DCTN4: variants seen among roughly 807,000 people sequenced by gnomAD.
The protein encoded by DCTN4 is dynactin 4 (p62).
DCTN4 carries 23 observed loss-of-function variants against 62.7 expected under a neutral mutation model. That is an observed-to-expected ratio of 0.37 (90% confidence interval 0.26 to 0.52). The LOEUF (loss-of-function observed/expected upper bound fraction) is 0.52, where lower values mean the gene tolerates loss of function less well. Among genes scored for constraint, DCTN4 ranks in the 20% least tolerant of loss-of-function variants. The pLI, the probability that DCTN4 is intolerant of heterozygous loss-of-function variation, is 0.92. For missense variants in DCTN4, 514 were observed against 580.4 expected, an observed-to-expected ratio of 0.89 and a Z score of 1.18; for synonymous variants, 199 against 202.1, an observed-to-expected ratio of 0.98 and a Z score of 0.13.
At chr5:150,734,517 CTT>C (rs777350628) in intron 4 of DCTN4, 1 of 152,230 alleles carries the variant, frequency 6.6e-6, no homozygotes, top group African/African-American at 2.4e-5. Flanking sequence ...TCATTTCTGA[CTT>C]TAATCTCACA....
At chr5:150,714,881 T>G (rs1759699353) in intron 12 of DCTN4, among the ~76,000 whole-genome samples, 1 of 152,194 alleles carries the variant, frequency 6.6e-6, no homozygotes, top group African/African-American at 2.4e-5. Context: ...ACTATTTCCC[T>G]TTGTTCCCTC....
rs372402884 is a variant in DCTN4 at position 150,738,383 on chromosome 5, T to C, written c.429+3731A>G. On this transcript the variant is annotated intron_variant, in intron 4 of 12. Transcript: ENST00000447998. ...AATCCTTAACGAAATACTAGTTAAC[T>C]GGATCCAACAGCATATCATAAAGAT... Among the ~76,000 whole-genome samples the C allele has an allele frequency of 9.8e-5, 15 of 152,294 alleles. No homozygotes were observed. In the East Asian group the frequency reaches 2.1e-3, roughly 22 times the overall value.
At chr5:150,742,085 T>C (rs776388078) in intron 4 of DCTN4, 29 bp downstream of exon 4, 2 of 1,610,130 alleles carry the variant, frequency 1.2e-6, no homozygotes, top group East Asian at 2.2e-5. Flanking sequence ...TCCGATTTCA[T>C]CCTCTCTCTC....
At chr5:150,734,812 G>C (rs549348984) in intron 4 of DCTN4, among the ~76,000 whole-genome samples, 14 of 152,338 alleles carry the variant, frequency 9.2e-5, no homozygotes, top group Admixed American at 6.5e-4. Context: ...CATGGTGGGA[G>C]TGAGACTGGC....
At chr5:150,731,853 C>T (rs760676929) in intron 5 of DCTN4, 35 of 1,547,802 alleles carry the variant, frequency 2.3e-5, no homozygotes, top group Non-Finnish European at 3.0e-5. Context: ...CTAACTTCTT[C>T]AGGGTCAGCA....
At chr5:150,734,120 G>C (rs764773127) in intron 4 of DCTN4, 3 of 152,158 alleles carry the variant, frequency 2.0e-5, no homozygotes, top group Non-Finnish European at 2.9e-5. Context: ...ATGGCAGATA[G>C]GAGGCAGGAC....
In DCTN4 at chr5:150,709,309, A is replaced by T. The variant is rs1759479131; in HGVS notation, c.*1840T>A. On this transcript the variant is annotated 3_prime_UTR_variant, in exon 13 of 13. Coordinates refer to ENST00000447998, the MANE Select transcript of DCTN4 (RefSeq NM_016221.4). ...TCAACATTATTACTTTGGGGAATAA[A>T]TACCAGCTACCTGCCATAAACGCAT... 1 of 152,396 alleles carries T rather than the reference A, an allele frequency of 6.6e-6. No homozygotes were observed. The highest frequency in any genetic ancestry group is 1.5e-5 in the Non-Finnish European group (1 of 68,040). The allele number at this position is 152,396 out of a possible 1,614,324, so 9.4% of individuals were successfully genotyped here.
At chr5:150,713,704 A>G (rs1309439510) in intron 12 of DCTN4, among the ~76,000 whole-genome samples, 1 of 151,628 alleles carries the variant, frequency 6.6e-6, no homozygotes, top group Non-Finnish European at 1.5e-5. Flanking sequence ...TCAGCCTCCC[A>G]AAGTGCTGGG....
intron 8 of DCTN4, among the ~76,000 whole-genome samples, chr5:150,726,280 C>A (rs1760142350): frequency 6.6e-6 from 1 of 152,148 alleles, no homozygotes; most frequent in South Asian, 2.1e-4. Flanking sequence ...TTTCAACACA[C>A]TGGAACTCTC....
At chr5:150,722,449 C>T (rs1759988097) in intron 9 of DCTN4, among the ~76,000 whole-genome samples, 1 of 152,202 alleles carries the variant, frequency 6.6e-6, no homozygotes, top group South Asian at 2.1e-4. Context: ...CTCTTCTACT[C>T]ACAAGTCCCA....
At chr5:150,714,047 G>A (rs1416595483) in intron 12 of DCTN4, among the ~76,000 whole-genome samples, 1 of 152,154 alleles carries the variant, frequency 6.6e-6, no homozygotes, top group Non-Finnish European at 1.5e-5. Flanking sequence ...AACTCGGGAG[G>A]TGGAGGTTGC....
chr5:150,757,321 T>C (rs1458083205), intron 1 of DCTN4, among the ~76,000 whole-genome samples: 1 of 152,128 alleles, frequency 6.6e-6, no homozygotes, highest in Non-Finnish European at 1.5e-5. Context: ...AAAGGCAAAA[T>C]ACAAGTCATT....
At chr5:150,716,125 C>T (rs769416822) in intron 11 of DCTN4, among the ~76,000 whole-genome samples, 21 of 152,222 alleles carry the variant, frequency 1.4e-4, no homozygotes, top group Non-Finnish European at 1.8e-4. Flanking sequence ...AAGCTGGTTT[C>T]GAACTCCTGC....
chr5:150,744,118 A>G (rs1004575564), intron 3 of DCTN4, among the ~76,000 whole-genome samples: 8 of 152,262 alleles, frequency 5.3e-5, no homozygotes, highest in Non-Finnish European at 1.0e-4. Flanking sequence ...GCTGAAAGCC[A>G]AGGCTCGAGA....
intron 8 of DCTN4, among the ~76,000 whole-genome samples, chr5:150,725,991 C>T (rs1179175921): frequency 6.6e-6 from 1 of 152,064 alleles, no homozygotes; most frequent in African/African-American, 2.4e-5. Context: ...CAACCTCCGC[C>T]TCCTGGGTAC....
At chr5:150,722,579 A>T (rs1005900527) in intron 9 of DCTN4, among the ~76,000 whole-genome samples, 1 of 152,036 alleles carries the variant, frequency 6.6e-6, no homozygotes, top group Admixed American at 6.6e-5. Flanking sequence ...TTATTTTTAA[A>T]TTTTTTTTGA....
chr5:150,731,528 T>C, intron 5 of DCTN4, 39 bp from the exon 6 acceptor site: 1 of 1,503,716 alleles, frequency 6.7e-7, no homozygotes, highest in Non-Finnish European at 9.2e-7. Flanking sequence ...AAAGTCCACT[T>C]TTACACACCC....
intron 4 of DCTN4, among the ~76,000 whole-genome samples, chr5:150,735,349 C>T (rs1760537973): frequency 6.6e-6 from 1 of 152,234 alleles, no homozygotes; most frequent in African/African-American, 2.4e-5. Context: ...ACTGCTAGCA[C>T]AACCAGCATT....
chr5:150,733,026 AC>A (rs1760442723), intron 5 of DCTN4, among the ~76,000 whole-genome samples: 1 of 152,176 alleles, frequency 6.6e-6, no homozygotes, highest in Non-Finnish European at 1.5e-5. Flanking sequence ...ACTGAAATCT[AC>A]CATTTGCCCA....
Sources: allele counts gnomAD v4.1 joint callset (sites outside exome capture counted in the v4.1 genomes callset), GRCh38; gene constraint gnomAD v4.1.1; transcripts MANE v1.5; gene names NCBI Gene and HGNC (gene_info 2026-07-23, HGNC 2026-07-21).